The following BBS1 variants were observed in gnomAD, a reference collection of about 807,000 sequenced individuals.
The protein encoded by BBS1 is Bardet-Biedl syndrome 1.
A neutral mutation model predicts 73.9 loss-of-function variants in BBS1; 60 were observed. The ratio of observed to expected loss-of-function variants is 0.81; its 90% CI spans 0.66 to 1.01. The LOEUF (loss-of-function observed/expected upper bound fraction) is 1.01. Ranked by LOEUF, BBS1 falls within the 50% of genes least tolerant of loss-of-function variation. The probability of loss-of-function intolerance (pLI) is 0.00; values close to 1 mark genes in which losing one functional copy is unlikely to be tolerated. For synonymous variants in BBS1, 283 were observed against 317.4 expected, an observed-to-expected ratio of 0.89 and a Z score of 1.15; for missense variants, 718 against 770.3, an observed-to-expected ratio of 0.93 and a Z score of 0.80.
Position 66,529,929 on chromosome 11 carries a change from G to A in BBS1, c.1450G>A (p.Glu484Lys), listed in dbSNP as rs1416464603. The A allele has an allele frequency of 1.9e-6, 3 of 1,604,868 alleles. No homozygotes were observed. The highest frequency in any genetic ancestry group is 2.7e-5 in the African/African-American group (2 of 75,010). The change falls in exon 14 of 17, where the codon GAG (glutamate) becomes AAG (lysine). Residue 484 changes from glutamate (E) to lysine (K), a missense_variant. Physicochemically the swap from Glu to Lys is moderately conservative, Grantham distance 56 (BLOSUM62 1). Transcript: ENST00000318312. ...SLSPLSTTAREPLKLHAVVQG... is the reference protein window; with the variant it reads ...SLSPLSTTARKPLKLHAVVQG... Reference sequence around the variant, plus strand: ...GAGCCCCCTGTCCACGACAGCCCGAGAGCCACTCAAGCTGCACGCCGTGGT... The same window carrying A: ...GAGCCCCCTGTCCACGACAGCCCGAAAGCCACTCAAGCTGCACGCCGTGGT...
At chr11:66,524,466 G>T (rs1856397766) in intron 11 of BBS1, among the ~76,000 whole-genome samples, 1 of 151,600 alleles carries the variant, frequency 6.6e-6, no homozygotes, top group South Asian at 2.1e-4. Context: ...AGCGCAGAGG[G>T]TGCTGAGTGA....
At chr11:66,525,055 C>T (rs1194128129) in intron 11 of BBS1, among the ~76,000 whole-genome samples, 1 of 152,112 alleles carries the variant, frequency 6.6e-6, no homozygotes, top group African/African-American at 2.4e-5. Context: ...AAAAAATTAG[C>T]CGGGCATGGT....
intron 7 of BBS1, 99 bp downstream of exon 7, chr11:66,516,032 A>G: frequency 2.5e-6 from 3 of 1,188,376 alleles, no homozygotes; most frequent in Non-Finnish European, 3.7e-6. Context: ...AAACCCAACC[A>G]GTATCTCTTT....
chr11:66,519,263 T>A (rs982033544), intron 7 of BBS1, among the ~76,000 whole-genome samples: 1 of 151,914 alleles, frequency 6.6e-6, no homozygotes, highest in Admixed American at 6.6e-5. Context: ...CCCAGCTAGT[T>A]GGGAGGCTAA....
chr11:66,519,494 C>T, intron 7 of BBS1, 123 bp from the exon 8 acceptor site: 3 of 1,372,676 alleles, frequency 2.2e-6, no homozygotes, highest in Non-Finnish European at 3.0e-6. Context: ...AATCTTCTGT[C>T]ACATCTCTGA....
rs1367028973 is a variant in BBS1 at position 66,532,388 on chromosome 11, G to A, written c.*351G>A. ...AGGCCCAGCCTTTCTCCACTGCCAC[G>A]TCCCTCATGCACATCACTCATCTCC... On this transcript the variant is annotated 3_prime_UTR_variant, in exon 17 of 17. Transcript: ENST00000318312. 1 of 294,848 alleles carries A rather than the reference G, an allele frequency of 3.4e-6. No individual in the cohort carries two copies. Among genetic ancestry groups the A allele is most frequent in the South Asian group, 5.3e-5 (1 of 19,038 alleles). The allele number at this position is 294,848 out of a possible 1,614,324, so 18.3% of individuals were successfully genotyped here. A position where few individuals can be genotyped will look rare whatever the true frequency, so the allele number is the denominator to read the frequency against.
chr11:66,529,418 G>T, intron 13 of BBS1: 2 of 1,016,374 alleles, frequency 2.0e-6, no homozygotes, highest in Non-Finnish European at 1.5e-6. Context: ...GGAGACACAT[G>T]CACAATATCG....
Position 66,526,662 on chromosome 11 carries a change from C to T in BBS1, c.1194C>T (p.Ile398=), listed in dbSNP as rs200577824. Residue 398 remains isoleucine (I), a synonymous_variant, in exon 13 of 17, where the codon ATC becomes ATT. Coordinates refer to ENST00000318312, the MANE Select transcript of BBS1 (RefSeq NM_024649.5). ...CCACTTCCCTAGGTGGTGGCCTGAT[C>T]ATCAAGATCCTGAAGCGTACAGCAG... The part of the protein sequence containing the change: ...LIMTTRGGGL[I]IKILKRTAVF... 6.2e-7 allele frequency: 1 copy of T among 1,614,202 alleles called. No individual in the cohort carries two copies. Among genetic ancestry groups the T allele is most frequent in the Admixed American group, 1.7e-5 (1 of 60,024 alleles).
At chr11:66,516,019 A>C in intron 7 of BBS1, 86 bp downstream of exon 7, 1 of 1,343,628 alleles carries the variant, frequency 7.4e-7, no homozygotes, top group East Asian at 2.3e-5. Context: ...AAATTCTATA[A>C]GCAAACCCAA....
At chr11:66,513,820 T>C (rs11227512) in intron 3 of BBS1, among the ~76,000 whole-genome samples, 32,291 of 152,066 alleles carry the variant, frequency 0.21, 3,881 homozygotes, top group East Asian at 0.27. Flanking sequence ...ATGGGAAGGG[T>C]GATAGGAAAC....
intron 13 of BBS1, 125 bp downstream of exon 13, chr11:66,526,932 T>TCA: frequency 6.3e-7 from 1 of 1,597,232 alleles, no homozygotes; most frequent in South Asian, 1.1e-5. Context: ...GGTAGGTCAC[T>TCA]CACCTCTGCA....
At chr11:66,527,384 C>A (rs1856562817) in intron 13 of BBS1, among the ~76,000 whole-genome samples, 1 of 151,086 alleles carries the variant, frequency 6.6e-6, no homozygotes, top group African/African-American at 2.4e-5. Flanking sequence ...ATAGTCCCTA[C>A]CTTGGGCCAG....
At chr11:66,530,848 A>G (rs759559824) in intron 14 of BBS1, 46 bp from the exon 15 acceptor site, 2 of 1,614,088 alleles carry the variant, frequency 1.2e-6, no homozygotes, top group Non-Finnish European at 8.5e-7. Context: ...CTCCGTGCCC[A>G]AGGCTGCCAG....
chr11:66,519,499 C>G, intron 7 of BBS1, 118 bp from the exon 8 acceptor site: 3 of 1,416,100 alleles, frequency 2.1e-6, no homozygotes, highest in Non-Finnish European at 2.9e-6. Flanking sequence ...TCTGTCACAT[C>G]TCTGATATTT....
In BBS1 at chr11:66,532,585, C is replaced by G. The variant is rs1040021645; in HGVS notation, c.*548C>G. On this transcript the variant is annotated 3_prime_UTR_variant, in exon 17 of 17. Transcript: ENST00000318312. ...CTCTCTCCTTGTCAGCTGAGCAAAC[C>G]CAGGGAATAGCCCTCCTCTCCCCAG... is the stretch of plus-strand genomic sequence containing the variant. 1 of 156,766 alleles carries G rather than the reference C, an allele frequency of 6.4e-6. No homozygotes were observed. Among genetic ancestry groups the G allele is most frequent in the African/African-American group, 2.4e-5 (1 of 41,462 alleles). The allele number at this position is 156,766 out of a possible 1,614,324, so 9.7% of individuals were successfully genotyped here. A position where few individuals can be genotyped will look rare whatever the true frequency, so the allele number is the denominator to read the frequency against.
chr11:66,514,575 C>T lies in BBS1; in HGVS notation c.329C>T (p.Pro110Leu). The change falls in exon 4 of 17, where the codon CCT becomes CTT. Residue 110 changes from proline (P) to leucine (L), a missense_variant. Transcript: ENST00000318312. Reference protein sequence around the residue: ...RTPALALASGPCVYVYKNLRP... With the variant: ...RTPALALASGLCVYVYKNLRP... ...CCAGCTCTGGCACTTGCTTCAGGCC[C>T]TTGTGTCTATGTGTATAAGAATCTC... The T allele has an allele frequency of 6.2e-7, 1 of 1,614,096 alleles. No individual in the cohort carries two copies. The highest frequency in any genetic ancestry group is 2.2e-5 in the East Asian group (1 of 44,886).
intron 11 of BBS1, among the ~76,000 whole-genome samples, chr11:66,524,621 C>A (rs566898221): frequency 1.3e-5 from 2 of 152,252 alleles, no homozygotes; most frequent in South Asian, 4.1e-4. Context: ...TGCACAAAGC[C>A]TGAGAAGTAT....
At chr11:66,523,138 A>G in intron 9 of BBS1, 1 of 504,164 alleles carries the variant, frequency 2.0e-6, no homozygotes, top group Non-Finnish European at 3.9e-6. Flanking sequence ...GTCCAGCCAA[A>G]GGTAAACTCA....
chr11:66,511,334 G>A (rs937385193), intron 3 of BBS1, 95 bp downstream of exon 3: 29 of 1,443,332 alleles, frequency 2.0e-5, no homozygotes, highest in Middle Eastern at 2.0e-4. Context: ...AGCATACTCT[G>A]GAATTCACAT....
Sources: gnomAD v4.1 joint callset for allele counts (sites outside exome capture counted in the v4.1 genomes callset) on GRCh38, gnomAD v4.1.1 for gene constraint, MANE v1.5 for transcripts, NCBI Gene and HGNC (gene_info 2026-07-23, HGNC 2026-07-21) for gene names.